KIZ: variants seen among roughly 807,000 people sequenced by gnomAD.
The protein encoded by KIZ is centrosomal protein kizuna.
KIZ carries 68 observed loss-of-function variants against 79.6 expected under a neutral mutation model. The ratio of observed to expected loss-of-function variants is 0.85; its 90% CI spans 0.70 to 1.05. The LOEUF (loss-of-function observed/expected upper bound fraction) is 1.05. Among genes scored for constraint, KIZ ranks in the 50% least tolerant of loss-of-function variants. The pLI, the probability that KIZ is intolerant of heterozygous loss-of-function variation, is 0.00. For synonymous variants in KIZ, 280 were observed against 281.8 expected (o/e 0.99, Z 0.06); for missense variants, 797 against 800.4 (o/e 1.00, Z 0.05).
At chr20:21,161,078 T>C (rs1471804931) in intron 4 of KIZ, 2 of 152,248 alleles carry the variant, frequency 1.3e-5, no homozygotes, top group East Asian at 3.8e-4. Context: ...GTTTCTCTAA[T>C]GAATAATGAT....
At chr20:21,190,221 C>G (rs901466721) in intron 6 of KIZ, among the ~76,000 whole-genome samples, 2 of 152,196 alleles carry the variant, frequency 1.3e-5, no homozygotes, top group African/African-American at 4.8e-5. Flanking sequence ...TCAAAACAAG[C>G]AAATTGCGCT....
At chr20:21,209,398 A>T (rs1347708376) in intron 7 of KIZ, among the ~76,000 whole-genome samples, 4 of 152,188 alleles carry the variant, frequency 2.6e-5, no homozygotes, top group Non-Finnish European at 5.9e-5. Flanking sequence ...GCCCTGGAGA[A>T]CTTTATCACA....
chr20:21,217,924 C>T (rs1333052585), intron 9 of KIZ, among the ~76,000 whole-genome samples: 2 of 152,066 alleles, frequency 1.3e-5, no homozygotes, highest in Non-Finnish European at 2.9e-5. Flanking sequence ...ACAGAAAGTG[C>T]CATTGTGAGA....
At chr20:21,242,353 G>A (rs73903123) in intron 11 of KIZ, among the ~76,000 whole-genome samples, 3,455 of 152,272 alleles carry the variant, frequency 0.023, 140 homozygotes, top group African/African-American at 0.08. Context: ...AATTTTAAGC[G>A]AGGAAGTGGA....
chr20:21,224,874 G>A (rs957647294), intron 9 of KIZ, among the ~76,000 whole-genome samples: 26 of 152,146 alleles, frequency 1.7e-4, no homozygotes, highest in Non-Finnish European at 1.5e-4. Context: ...AAGAAGTTGA[G>A]GCTTTTTCTT....
At chr20:21,218,051 C>G (rs1004807595) in intron 9 of KIZ, 3 of 152,218 alleles carry the variant, frequency 2.0e-5, no homozygotes, top group Admixed American at 6.5e-5. Context: ...GCTGCAATAC[C>G]TGCAAGACAG....
rs758940771 is a variant in KIZ at position 21,162,887 on chromosome 20, C to T, written c.1080C>T (p.Pro360=). The T allele has an allele frequency of 6.2e-7, 1 of 1,613,518 alleles. No individual in the cohort carries two copies. The highest frequency in any genetic ancestry group is 1.1e-5 in the South Asian group (1 of 90,992). The change falls in exon 6 of 13, where the codon CCC becomes CCT. Residue 360 remains proline, a synonymous_variant. Coordinates refer to ENST00000619189, the MANE Select transcript of KIZ (RefSeq NM_018474.6). ...LAHREPKSQK[P]FRKMQEEEEE... The stretch of plus-strand genomic sequence containing the variant: ...ACAGGGAACCAAAGTCACAAAAGCC[C>T]TTCAGAAAAATGCAGGAAGAGGAGG...
rs1314059359 is a variant in KIZ at position 21,145,606 on chromosome 20, A to G, written c.357A>G (p.Lys119=). 2.0e-6 allele frequency: 3 copies of G among 1,530,420 alleles called. No homozygotes were observed. The highest frequency in any genetic ancestry group is 1.8e-6 in the Non-Finnish European group (2 of 1,132,110). 94.8% of individuals were successfully genotyped at this position (1,530,420 alleles called of 1,614,324 possible). A position where few individuals can be genotyped will look rare whatever the true frequency, so the allele number is the denominator to read the frequency against. The change falls in exon 4 of 13, where the codon AAA becomes AAG. Residue 119 remains lysine, a synonymous_variant. Coordinates refer to ENST00000619189, the MANE Select transcript of KIZ (RefSeq NM_018474.6). ...ETQIKKMLCS[K]DSLGLKEELT... ...AAATTAAGAAGATGCTATGCTCAAA[A>G]GATAGCCTGGGACTAAAAGAGGAAC...
At chr20:21,135,235 C>T (rs1267169422) in intron 2 of KIZ, among the ~76,000 whole-genome samples, 1 of 152,142 alleles carries the variant, frequency 6.6e-6, no homozygotes, top group Non-Finnish European at 1.5e-5. Flanking sequence ...TGGAATGGAA[C>T]TAGAATTTGG....
intron 11 of KIZ, among the ~76,000 whole-genome samples, chr20:21,238,005 G>A (rs2037080132): frequency 1.3e-5 from 2 of 151,988 alleles, no homozygotes; most frequent in African/African-American, 2.4e-5. Context: ...AATTTTTTGT[G>A]GTTTTGGTAG....
chr20:21,218,522 C>T (rs1236079383), intron 9 of KIZ: 1 of 152,148 alleles, frequency 6.6e-6, no homozygotes, highest in Admixed American at 6.5e-5. Flanking sequence ...TCTCTCTCTG[C>T]AGTATGCATA....
chr20:21,184,772 C>T (rs369769765), intron 6 of KIZ, among the ~76,000 whole-genome samples: 2 of 152,012 alleles, frequency 1.3e-5, no homozygotes, highest in East Asian at 1.9e-4. Flanking sequence ...GGCCTCGTGT[C>T]GTGGCATGCC....
chr20:21,181,171 G>A (rs79399381), intron 6 of KIZ, among the ~76,000 whole-genome samples: 2,093 of 152,260 alleles, frequency 0.014, 57 homozygotes, highest in African/African-American at 0.049. Context: ...AACTGAAGGA[G>A]TGGCTCACAT....
intron 3 of KIZ, among the ~76,000 whole-genome samples, chr20:21,139,718 G>C (rs940425181): frequency 6.6e-6 from 1 of 151,976 alleles, no homozygotes; most frequent in Non-Finnish European, 1.5e-5. Context: ...ATATAAAATA[G>C]GATATGTTAT....
At chr20:21,179,491 A>G (rs2034564397) in intron 6 of KIZ, among the ~76,000 whole-genome samples, 1 of 151,530 alleles carries the variant, frequency 6.6e-6, no homozygotes, top group South Asian at 2.1e-4. Context: ...AGTCTAGCTA[A>G]CGGTTTGTCA....
At chr20:21,195,487 T>G (rs1456107329) in intron 6 of KIZ, 1 of 152,416 alleles carries the variant, frequency 6.6e-6, no homozygotes, top group Non-Finnish European at 1.5e-5. Context: ...CCATGGAGTG[T>G]CAGCCAGTTT....
At chr20:21,158,461 T>C (rs1206556502) in intron 4 of KIZ, 3 of 152,132 alleles carry the variant, frequency 2.0e-5, no homozygotes, top group African/African-American at 2.4e-5. Flanking sequence ...TGATTTGGAG[T>C]GGAAGATGGT....
intron 11 of KIZ, among the ~76,000 whole-genome samples, chr20:21,241,191 G>A (rs2037204060): frequency 6.6e-6 from 1 of 152,150 alleles, no homozygotes; most frequent in Non-Finnish European, 1.5e-5. Context: ...ACAATAGAAA[G>A]TTCTCAGGCT....
At chr20:21,126,057 G>A, upstream of KIZ, 1 of 1,402,138 alleles carries the variant, frequency 7.1e-7, no homozygotes, top group Non-Finnish European at 9.3e-7. Context: ...GGTCTCCTTC[G>A]GCAACCCCGG....
Sources: allele counts gnomAD v4.1 joint callset (sites outside exome capture counted in the v4.1 genomes callset), GRCh38; gene constraint gnomAD v4.1.1; transcripts MANE v1.5; gene names NCBI Gene and HGNC (gene_info 2026-07-23, HGNC 2026-07-21).